Variants in CD83 observed in about 807,000 individuals in gnomAD.
CD83 encodes CD83 molecule.
Under a neutral mutation model 24.6 loss-of-function variants are expected in CD83, and 22 were observed. That is an observed-to-expected ratio of 0.90 (90% CI 0.64 to 1.28). The LOEUF (loss-of-function observed/expected upper bound fraction) is 1.28. Among genes scored for constraint, CD83 ranks in the 50% most tolerant of loss-of-function variants. CD83 has a pLI of 0.00. For synonymous variants in CD83, 101 were observed against 103.5 expected (o/e 0.98, Z 0.14); for missense variants, 253 against 252.8 (o/e 1.00, Z -0.01).
At chr6:14,123,267 T>G (rs1043303239) in intron 2 of CD83, among the ~76,000 whole-genome samples, 1 of 152,050 alleles carries the variant, frequency 6.6e-6, no homozygotes. Context: ...CCGGCTACTT[T>G]TTTGTATTTT....
Position 14,131,686 on chromosome 6 carries a change from G to A in CD83, c.320G>A (p.Cys107Tyr). Residue 107 changes from cysteine to tyrosine, a missense_variant, in exon 3 of 5, where the codon TGC (cysteine) becomes TAC (tyrosine). Transcript: ENST00000379153. ...TTSCNSGTYR[C>Y]TLQDPDGQRN... ...AGCTGCAACTCGGGGACATACAGGTGCACTCTGCAGGACCCGGATGGGCAG... is the reference window on the plus strand; with the variant it reads ...AGCTGCAACTCGGGGACATACAGGTACACTCTGCAGGACCCGGATGGGCAG... The A allele has an allele frequency of 1.2e-6, 2 of 1,614,186 alleles. No homozygotes were observed. The highest frequency in any genetic ancestry group is 1.1e-5 in the South Asian group (1 of 91,082).
At chr6:14,123,232 G>A (rs574630762) in intron 2 of CD83, among the ~76,000 whole-genome samples, 1 of 151,866 alleles carries the variant, frequency 6.6e-6, no homozygotes, top group African/African-American at 2.4e-5. Context: ...TGAGTAGCTG[G>A]GATTACAGGT....
Position 14,135,649 on chromosome 6 carries a change from G to A in CD83, c.*413G>A, listed in dbSNP as rs1758033252. 6.2e-6 allele frequency: 1 copy of A among 161,538 alleles called. No individual in the cohort carries two copies. Among genetic ancestry groups the A allele is most frequent in the Non-Finnish European group, 1.4e-5 (1 of 73,846 alleles). The allele number at this position is 161,538 out of a possible 1,614,324, so 10.0% of individuals were successfully genotyped here. On this transcript the variant is annotated 3_prime_UTR_variant, in exon 5 of 5. Transcript: ENST00000379153. ...TTGGGGACATCTCTTTGAATTTTCT[G>A]TGTTTTGCTGTACCAGCCCAGATGT...
intron 2 of CD83, among the ~76,000 whole-genome samples, chr6:14,131,168 A>T (rs1476657630): frequency 6.6e-6 from 1 of 152,228 alleles, no homozygotes; most frequent in Non-Finnish European, 1.5e-5. Context: ...AGAACATTTA[A>T]TACAGAACAG....
chr6:14,135,461 C>A lies in CD83; in HGVS notation c.*225C>A, dbSNP rs548894139. 4.3e-5 allele frequency: 21 copies of A among 493,784 alleles called. No individual in the cohort carries two copies. Among genetic ancestry groups the A allele is most frequent in the Non-Finnish European group, 6.9e-5 (19 of 277,008 alleles). 30.6% of individuals were successfully genotyped at this position (493,784 alleles called of 1,614,324 possible). A position where few individuals can be genotyped will look rare whatever the true frequency, so the allele number is the denominator to read the frequency against. On this transcript the variant is annotated 3_prime_UTR_variant, in exon 5 of 5. Transcript: ENST00000379153. Reference sequence around the variant, plus strand: ...GAGGCCACTGCTGCTTCTCCATGGCCACCTTTTCAGCGATGTATGCAGCTA... The same window carrying A: ...GAGGCCACTGCTGCTTCTCCATGGCAACCTTTTCAGCGATGTATGCAGCTA...
intron 2 of CD83, among the ~76,000 whole-genome samples, chr6:14,125,834 A>G (rs905529761): frequency 1.3e-5 from 2 of 152,244 alleles, no homozygotes; most frequent in South Asian, 4.1e-4. Context: ...TGAAGACATC[A>G]TATGTGGAAA....
At chr6:14,133,129 G>A (rs1366163355) in intron 3 of CD83, among the ~76,000 whole-genome samples, 2 of 152,246 alleles carry the variant, frequency 1.3e-5, no homozygotes, top group Non-Finnish European at 2.9e-5. Context: ...GGCAATATCA[G>A]GGCAGCTCCC....
rs552769541 is a variant in CD83, at chr6:14,135,558, G to T, written c.*322G>T. On this transcript the variant is annotated 3_prime_UTR_variant, in exon 5 of 5. Coordinates refer to ENST00000379153, the MANE Select transcript of CD83 (RefSeq NM_004233.4). Reference sequence around the variant, plus strand: ...TGAGATGCAGCTGGAAAAGGGTCTTGGGAAATATGAATGCCCCCAGCTGGC... The same window carrying T: ...TGAGATGCAGCTGGAAAAGGGTCTTTGGAAATATGAATGCCCCCAGCTGGC... The T allele has an allele frequency of 5.4e-5, 13 of 242,168 alleles. No individual in the cohort carries two copies. Among genetic ancestry groups the T allele is most frequent in the Non-Finnish European group, 8.9e-5 (11 of 124,230 alleles). 15.0% of individuals were successfully genotyped at this position (242,168 alleles called of 1,614,324 possible).
chr6:14,117,610 GGGGACGGGGGCGA>G (rs1326414369), upstream of CD83: 5 of 277,156 alleles, frequency 1.8e-5, no homozygotes, highest in Non-Finnish European at 3.3e-5. The surrounding 1 kb of genome is among the most constrained non-coding windows in gnomAD (Gnocchi z 4.6). Flanking sequence ...GGACGGGGGC[GGGGACGGGGGCGA>G]AGGGGGCGGG....
chr6:14,128,646 G>C (rs138325587), intron 2 of CD83, among the ~76,000 whole-genome samples: 1 of 152,332 alleles, frequency 6.6e-6, no homozygotes, highest in Non-Finnish European at 1.5e-5. Flanking sequence ...CCCTGTGAGA[G>C]TTGAGATATT....
intron 2 of CD83, among the ~76,000 whole-genome samples, chr6:14,127,629 AAG>A (rs1407453586): frequency 1.3e-5 from 2 of 152,128 alleles, no homozygotes; most frequent in African/African-American, 4.8e-5. Context: ...CTGCAAATGA[AAG>A]AGAGTTTGTT....
chr6:14,128,240 CTG>C lies in CD83; in HGVS notation c.154-3279_154-3278del, dbSNP rs1461710672. On this transcript the variant is annotated intron_variant, in intron 2 of 4. Transcript: ENST00000379153. ...GGTGCCTCTGCCACAGTTAGCTCAT[CTG>C]ATAAAGCAGGGTGATAGCTGCCTGG... 7.1e-4 allele frequency among the ~76,000 whole-genome samples: 108 copies of C among 152,330 alleles called. 1 individual carries two copies. In the South Asian group the frequency reaches 7.2e-3, roughly 10 times the overall value.
intron 2 of CD83, among the ~76,000 whole-genome samples, chr6:14,123,319 G>A (rs1284447142): frequency 2.6e-5 from 4 of 151,974 alleles, no homozygotes; most frequent in Non-Finnish European, 5.9e-5. Flanking sequence ...GGCTGGTCTC[G>A]AGCTCCTGAC....
At chr6:14,119,449 A>G (rs1306221432) in intron 2 of CD83, among the ~76,000 whole-genome samples, 1 of 152,378 alleles carries the variant, frequency 6.6e-6, no homozygotes, top group African/African-American at 2.4e-5. Context: ...AAATATTTAC[A>G]TACATTATCC....
intron 2 of CD83, among the ~76,000 whole-genome samples, chr6:14,120,693 A>G (rs998252227): frequency 6.6e-6 from 1 of 152,242 alleles, no homozygotes; most frequent in African/African-American, 2.4e-5. Flanking sequence ...ATGACTCACA[A>G]TTTAAAATTC....
At chr6:14,126,639 G>A (rs1002880902) in intron 2 of CD83, among the ~76,000 whole-genome samples, 4 of 152,034 alleles carry the variant, frequency 2.6e-5, no homozygotes, top group African/African-American at 4.8e-5. Context: ...ATAAAACTAC[G>A]CATAGAAAAA....
Position 14,135,384 on chromosome 6 carries a change from A to C in CD83, c.*148A>C, listed in dbSNP as rs1758025978. On this transcript the variant is annotated 3_prime_UTR_variant, in exon 5 of 5. Transcript: ENST00000379153. ...CTGAAAACATCTGGAAGGGGATCCC[A>C]CCCCATTTTCTGTGGGCAGGCCTCG... 3.5e-6 allele frequency: 3 copies of C among 858,548 alleles called. No individual in the cohort carries two copies. In the African/African-American group the frequency reaches 5.1e-5, roughly 14 times the overall value. The allele number at this position is 858,548 out of a possible 1,614,324, so 53.2% of individuals were successfully genotyped here. A position where few individuals can be genotyped will look rare whatever the true frequency, so the allele number is the denominator to read the frequency against.
Position 14,136,182 on chromosome 6 carries a change from A to T in CD83, c.*946A>T, listed in dbSNP as rs982585509. On this transcript the variant is annotated 3_prime_UTR_variant, in exon 5 of 5. Transcript: ENST00000379153. ...GCTGTTGCATGGGCTAATGAAGATC[A>T]TATACGTGAAAATTATTTGAAAACA... is the stretch of plus-strand genomic sequence containing the variant. 6.6e-6 allele frequency: 1 copy of T among 152,248 alleles called. No individual in the cohort carries two copies. The highest frequency in any genetic ancestry group is 1.5e-5 in the Non-Finnish European group (1 of 68,044). The allele number at this position is 152,248 out of a possible 1,614,324, so 9.4% of individuals were successfully genotyped here.
chr6:14,119,264 T>C (rs1165123117), intron 2 of CD83, among the ~76,000 whole-genome samples: 1 of 152,230 alleles, frequency 6.6e-6, no homozygotes, highest in African/African-American at 2.4e-5. Flanking sequence ...CCTCAGAGCA[T>C]TGTATTGTGT....
Sources: gnomAD v4.1 joint callset for allele counts (sites outside exome capture counted in the v4.1 genomes callset) on GRCh38, gnomAD v4.1.1 for gene constraint, Gnocchi (gnomAD v3.1) non-coding constraint, MANE v1.5 for transcripts, NCBI Gene and HGNC (gene_info 2026-07-23, HGNC 2026-07-21) for gene names.